PAN3: variants seen among roughly 807,000 people sequenced by gnomAD.
PAN3 encodes the protein poly(A) specific ribonuclease subunit PAN3, also known as PAN2-PAN3 deadenylation complex subunit PAN3.
PAN3 carries 19 observed loss-of-function variants against 96.2 expected under a neutral mutation model. The observed-to-expected ratio is 0.20, with a 90% CI of 0.14 to 0.29. The LOEUF (loss-of-function observed/expected upper bound fraction) is 0.29, where lower values mean the gene tolerates loss of function less well. Among genes scored for constraint, PAN3 ranks in the 10% least tolerant of loss-of-function variants. The probability of loss-of-function intolerance (pLI) is 1.00; values close to 1 mark genes in which losing one functional copy is unlikely to be tolerated. For missense variants in PAN3, 882 were observed against 1,108.1 expected, an observed-to-expected ratio of 0.80 and a Z score of 2.90; for synonymous variants, 433 against 406.6, an observed-to-expected ratio of 1.06 and a Z score of -0.78.
rs1869886050 is a variant in PAN3, at chr13:28,292,554, A to G, written c.*32A>G. ...CTAAAAAAGCACGCAGGACATGGCT[A>G]AAGACCTTAACCAATAGCAAATTGC... On this transcript the variant is annotated 3_prime_UTR_variant, in exon 19 of 19. Coordinates refer to ENST00000380958, the MANE Select transcript of PAN3 (RefSeq NM_175854.8). 3 of 1,584,056 alleles carry G rather than the reference A, an allele frequency of 1.9e-6. No individual in the cohort carries two copies. Among genetic ancestry groups the G allele is most frequent in the South Asian group, 1.2e-5 (1 of 85,090 alleles).
At chr13:28,141,454 C>CTT (rs1171413517) in intron 1 of PAN3, among the ~76,000 whole-genome samples, 3 of 123,912 alleles carry the variant, frequency 2.4e-5, no homozygotes, top group African/African-American at 8.9e-5. Flanking sequence ...TTTTCTTTTT[C>CTT]TTTTTTTCTT....
chr13:28,289,656 C>T (rs369031865), intron 18 of PAN3, among the ~76,000 whole-genome samples: 32 of 152,158 alleles, frequency 2.1e-4, no homozygotes, highest in African/African-American at 5.3e-4. Flanking sequence ...CCACGGCGGG[C>T]GGATCACGAG....
chr13:28,225,121 A>G (rs1225877719), intron 6 of PAN3, among the ~76,000 whole-genome samples: 3 of 152,186 alleles, frequency 2.0e-5, no homozygotes, highest in African/African-American at 4.8e-5. Flanking sequence ...CATTTCTTAT[A>G]TATTCCTGAG....
intron 1 of PAN3, among the ~76,000 whole-genome samples, chr13:28,150,065 C>G (rs905532780): frequency 6.6e-6 from 1 of 152,068 alleles, no homozygotes; most frequent in Non-Finnish European, 1.5e-5. Flanking sequence ...TGCTGTAATA[C>G]TGATGTTCCT....
chr13:28,201,450 G>A (rs1403911096), intron 5 of PAN3, among the ~76,000 whole-genome samples: 2 of 152,110 alleles, frequency 1.3e-5, no homozygotes, highest in Non-Finnish European at 2.9e-5. Context: ...GGAGGCTGAG[G>A]CAGGAGAATG....
At chr13:28,140,147 G>C (rs1190883751) in intron 1 of PAN3, among the ~76,000 whole-genome samples, 1 of 152,078 alleles carries the variant, frequency 6.6e-6, no homozygotes, top group Non-Finnish European at 1.5e-5. Context: ...TAGTAGTCTC[G>C]TTGTGTTGGC....
chr13:28,147,235 C>T (rs1870779534), intron 1 of PAN3, among the ~76,000 whole-genome samples: 1 of 152,176 alleles, frequency 6.6e-6, no homozygotes, highest in South Asian at 2.1e-4. Flanking sequence ...CATTTCTTTG[C>T]AGATGGTCCC....
At chr13:28,233,427 C>CG (rs1446689972) in intron 6 of PAN3, among the ~76,000 whole-genome samples, 1 of 151,976 alleles carries the variant, frequency 6.6e-6, no homozygotes, top group South Asian at 2.1e-4. Flanking sequence ...CCACCACACC[C>CG]GGCTAACTTT....
intron 7 of PAN3, among the ~76,000 whole-genome samples, chr13:28,257,368 T>C (rs778262898): frequency 6.6e-6 from 1 of 152,016 alleles, no homozygotes; most frequent in Non-Finnish European, 1.5e-5. Context: ...TCAAAAATTA[T>C]TTTATTTACC....
At position 28,177,817 on chromosome 13, in the gene PAN3, G is replaced by T. The variant is rs188880945; in HGVS notation, c.620-48G>T. 5 of 1,463,020 alleles carry T rather than the reference G, an allele frequency of 3.4e-6. No homozygotes were observed. In the African/African-American group the frequency reaches 4.2e-5, roughly 12 times the overall value. The allele number at this position is 1,463,020 out of a possible 1,614,324, so 90.6% of individuals were successfully genotyped here. A position where few individuals can be genotyped will look rare whatever the true frequency, so the allele number is the denominator to read the frequency against. On this transcript the variant is annotated intron_variant, in intron 3 of 18. Coordinates refer to ENST00000380958, the MANE Select transcript of PAN3 (RefSeq NM_175854.8). ...CAAATTAAACAGTTATTAGATTTGC[G>T]GGTTACCCAAGTTTTATGTGTGGAA...
chr13:28,223,871 A>ATTTT lies in PAN3; in HGVS notation c.1000+3517_1000+3520dup, dbSNP rs560571140. Among the ~76,000 whole-genome samples, 22 of 75,016 alleles carry ATTTT rather than the reference A, an allele frequency of 2.9e-4. 3 individuals are homozygous for ATTTT. Among genetic ancestry groups the ATTTT allele is most frequent in the African/African-American group, 6.9e-4 (11 of 15,870 alleles). 49.2% of individuals were successfully genotyped at this position (75,016 alleles called of 152,430 possible). On this transcript the variant is annotated intron_variant, in intron 6 of 18. Transcript: ENST00000380958. ...TTTAATTTTTGTGCCATGAAAAGTG[A>ATTTT]TTTTTTTTTTTTTTTTTTTTTTTTT...
rs938290811 is a variant in PAN3 at position 28,295,154 on chromosome 13, G to T, written c.*2632G>T. ...TATTTACTTCATTGTAAATATTTTT[G>T]AGGGTACCTTTGTATTTTGCTTTTG... On this transcript the variant is annotated 3_prime_UTR_variant, in exon 19 of 19. Coordinates refer to ENST00000380958, the MANE Select transcript of PAN3 (RefSeq NM_175854.8). 6.6e-6 allele frequency: 1 copy of T among 152,106 alleles called. No homozygotes were observed. Among genetic ancestry groups the T allele is most frequent in the African/African-American group, 2.4e-5 (1 of 41,414 alleles). The allele number at this position is 152,106 out of a possible 1,614,324, so 9.4% of individuals were successfully genotyped here.
chr13:28,226,589 A>G (rs1261318543), intron 6 of PAN3, among the ~76,000 whole-genome samples: 1 of 152,190 alleles, frequency 6.6e-6, no homozygotes, highest in East Asian at 1.9e-4. Context: ...ATAAGGCTTA[A>G]TTTTTGTCTT....
chr13:28,215,300 G>T (rs983552624), intron 5 of PAN3: 2 of 723,692 alleles, frequency 2.8e-6, no homozygotes, highest in Non-Finnish European at 5.1e-6. Context: ...TTGGTACTGT[G>T]TCTGTGGACC....
At chr13:28,255,170 A>G (rs1028775863) in intron 6 of PAN3, among the ~76,000 whole-genome samples, 3 of 152,108 alleles carry the variant, frequency 2.0e-5, no homozygotes, top group Non-Finnish European at 4.4e-5. Flanking sequence ...GTGAGGTGGC[A>G]TATTATTTCA....
intron 4 of PAN3, among the ~76,000 whole-genome samples, chr13:28,178,745 T>C (rs1014394302): frequency 1.3e-5 from 2 of 152,142 alleles, no homozygotes; most frequent in African/African-American, 4.8e-5. Flanking sequence ...TCAACATATC[T>C]CATTAATATT....
chr13:28,182,894 C>G (rs1875981817), intron 4 of PAN3, among the ~76,000 whole-genome samples: 2 of 152,142 alleles, frequency 1.3e-5, no homozygotes, highest in Non-Finnish European at 1.5e-5. Context: ...TTCTGATTAA[C>G]TTGACATTTA....
Position 28,221,969 on chromosome 13 carries a change from C to A in PAN3, c.1000+1591C>A, listed in dbSNP as rs916213982. Among the ~76,000 whole-genome samples the A allele has an allele frequency of 5.3e-5, 8 of 152,150 alleles. No homozygotes were observed. In the East Asian group the frequency reaches 1.5e-3, roughly 29 times the overall value. The stretch of plus-strand genomic sequence containing the variant: ...GTAATTCAACTTTATATGTCTCTTT[C>A]CAAAGCATCCGCAATAATGGGATCC... On this transcript the variant is annotated intron_variant, in intron 6 of 18. Coordinates refer to ENST00000380958, the MANE Select transcript of PAN3 (RefSeq NM_175854.8).
chr13:28,224,838 G>A (rs1447552369), intron 6 of PAN3, among the ~76,000 whole-genome samples: 3 of 151,998 alleles, frequency 2.0e-5, no homozygotes, highest in Non-Finnish European at 4.4e-5. Context: ...TTTCCAGGCT[G>A]GTCTCAAACT....
Sources: gnomAD v4.1 joint callset for allele counts (sites outside exome capture counted in the v4.1 genomes callset) on GRCh38, gnomAD v4.1.1 for gene constraint, MANE v1.5 for transcripts, NCBI Gene and HGNC (gene_info 2026-07-23, HGNC 2026-07-21) for gene names.